The following LGALS3BP variants were observed in gnomAD, a reference collection of about 807,000 sequenced individuals.
The protein encoded by LGALS3BP is galectin 3 binding protein.
In LGALS3BP, 25 loss-of-function variants were observed where a neutral mutation model predicts 22.9. The observed-to-expected ratio is 1.09, with a 90% confidence interval of 0.80 to 1.53. The LOEUF is 1.53. Among genes scored for constraint, LGALS3BP ranks in the 40% most tolerant of loss-of-function variants. LGALS3BP has a pLI of 0.00. For synonymous variants in LGALS3BP, 335 were observed against 331.1 expected (o/e 1.01, Z -0.13); for missense variants, 718 against 752.0 (o/e 0.95, Z 0.53).
Position 78,972,164 on chromosome 17 carries a change from C to CA in LGALS3BP, c.1169dup (p.Leu390PhefsTer56), listed in dbSNP as rs1337187183. The CA allele has an allele frequency of 9.9e-6, 16 of 1,614,010 alleles. No individual in the cohort carries two copies. The highest frequency in any genetic ancestry group is 1.3e-5 in the African/African-American group (1 of 75,030). Reference sequence around the variant, plus strand: ...GGTTCAGGCCTTTGTACCGGGCCAGCAACTGGAAGGGCACAGTGTGGAATT... The same window carrying CA: ...GGTTCAGGCCTTTGTACCGGGCCAGCAAACTGGAAGGGCACAGTGTGGAATT... On this transcript the variant is annotated frameshift_variant, in exon 6 of 6. Coordinates refer to ENST00000262776, the MANE Select transcript of LGALS3BP (RefSeq NM_005567.4). LOFTEE classifies it low-confidence loss of function (END_TRUNC). The surrounding 1 kb of genome is among the most constrained non-coding windows in gnomAD (Gnocchi z 5.1).
In LGALS3BP at chr17:78,973,713, G is replaced by C. The variant is rs769714730; in HGVS notation, c.377-491C>G. Reference sequence around the variant, plus strand: ...CTGCAGAAGTCATGGGAGGCTCCCGGCTCGGGGGTCAGTGTGGTGCACCCT... The same window carrying C: ...CTGCAGAAGTCATGGGAGGCTCCCGCCTCGGGGGTCAGTGTGGTGCACCCT... On this transcript the variant is annotated intron_variant, in intron 4 of 5. Transcript: ENST00000262776. The surrounding 1 kb of genome is among the most constrained non-coding windows in gnomAD (Gnocchi z 5.8). Among the ~76,000 whole-genome samples the C allele has an allele frequency of 1.3e-5, 2 of 152,156 alleles. No individual in the cohort carries two copies. The highest frequency in any genetic ancestry group is 2.9e-5 in the Non-Finnish European group (2 of 68,016).
At chr17:78,974,371 T>A (rs1160509390) in intron 4 of LGALS3BP, among the ~76,000 whole-genome samples, 1 of 152,218 alleles carries the variant, frequency 6.6e-6, no homozygotes, top group East Asian at 1.9e-4. Flanking sequence ...GAGCGGACGC[T>A]GGCATTTCAG....
chr17:78,974,057 T>C (rs2070698190), intron 4 of LGALS3BP, among the ~76,000 whole-genome samples: 2 of 152,236 alleles, frequency 1.3e-5, no homozygotes, highest in Admixed American at 1.3e-4. Context: ...CTCCAGCCAC[T>C]TGTCCATCCC....
chr17:78,976,913 C>T lies in LGALS3BP; in HGVS notation c.52+227G>A, dbSNP rs3785528. The stretch of plus-strand genomic sequence containing the variant: ...CCCTCTGGACGGAATGGAGGATTCC[C>T]TAGTGTCCTCTCTATAACCTGCATC... On this transcript the variant is annotated intron_variant, in intron 2 of 5. Transcript: ENST00000262776. The surrounding 1 kb of genome is among the most constrained non-coding windows in gnomAD (Gnocchi z 4.6). 2.7e-3 allele frequency: 1,543 copies of T among 581,548 alleles called. 32 individuals are homozygous for T. In the East Asian group the frequency reaches 0.032, roughly 12 times the overall value. 36.0% of individuals were successfully genotyped at this position (581,548 alleles called of 1,614,324 possible).
chr17:78,975,177 G>T (rs566419452), intron 3 of LGALS3BP, among the ~76,000 whole-genome samples: 1 of 146,460 alleles, frequency 6.8e-6, no homozygotes, highest in African/African-American at 2.5e-5. Flanking sequence ...GCAACATCAG[G>T]TTCACATATT....
At chr17:78,974,346 G>A (rs142791860) in intron 4 of LGALS3BP, among the ~76,000 whole-genome samples, 2 of 152,252 alleles carry the variant, frequency 1.3e-5, no homozygotes, top group Non-Finnish European at 2.9e-5. Context: ...GTCGCGTGCT[G>A]TGAAGTGTAT....
Position 78,974,246 on chromosome 17 carries a change from C to T in LGALS3BP, c.376+442G>A, listed in dbSNP as rs2070699332. On this transcript the variant is annotated intron_variant, in intron 4 of 5. Coordinates refer to ENST00000262776, the MANE Select transcript of LGALS3BP (RefSeq NM_005567.4). ...CAGAGGCTCCAACCTGCAGAGCAGC[C>T]TGGGTTCCCTCCAAACTGGGCCAGG... Among the ~76,000 whole-genome samples the T allele has an allele frequency of 2.0e-5, 3 of 152,376 alleles. No individual in the cohort carries two copies. The South Asian group carries it at 6.2e-4, about 32-fold the overall frequency.
rs1026116065 is a variant in LGALS3BP at position 78,976,805 on chromosome 17, C to G, written c.52+335G>C. On this transcript the variant is annotated intron_variant, in intron 2 of 5. Coordinates refer to ENST00000262776, the MANE Select transcript of LGALS3BP (RefSeq NM_005567.4). This position sits in a 1 kb window ranked among gnomAD's most constrained non-coding sequence, Gnocchi z 4.6. ...AGAATGTGAGGAAAAGCAGCCAGGA[C>G]CCTCTGGAAGACTGACCTGCGTCCA... The G allele has an allele frequency of 3.1e-6, 1 of 327,172 alleles. No individual in the cohort carries two copies. The highest frequency in any genetic ancestry group is 2.2e-5 in the African/African-American group (1 of 45,440). 20.3% of individuals were successfully genotyped at this position (327,172 alleles called of 1,614,324 possible). A position where few individuals can be genotyped will look rare whatever the true frequency, so the allele number is the denominator to read the frequency against.
rs2070686541 is a variant in LGALS3BP, at chr17:78,972,886, G to A, written c.629+84C>T. 2 of 1,513,366 alleles carry A rather than the reference G, an allele frequency of 1.3e-6. No individual in the cohort carries two copies. The highest frequency in any genetic ancestry group is 1.4e-5 in the African/African-American group (1 of 72,434). 93.7% of individuals were successfully genotyped at this position (1,513,366 alleles called of 1,614,324 possible). ...TGTGCATGCATGAGTATGTGCAGGT[G>A]TGTGTGTGGGGGGCTGTGCTTTTGA... On this transcript the variant is annotated intron_variant, in intron 5 of 5. Transcript: ENST00000262776. The surrounding 1 kb of genome is among the most constrained non-coding windows in gnomAD (Gnocchi z 5.1).
At chr17:78,975,791 C>CAAAAAAAA (rs60470107) in intron 3 of LGALS3BP, among the ~76,000 whole-genome samples, 174 bp downstream of exon 3, 3 of 52,248 alleles carry the variant, frequency 5.7e-5, no homozygotes, top group South Asian at 1.1e-3. Context: ...GACTCCATCT[C>CAAAAAAAA]AAAAAAAAAA....
In LGALS3BP at chr17:78,971,474, G is replaced by A. The variant is rs1281901391; in HGVS notation, c.*102C>T. On this transcript the variant is annotated 3_prime_UTR_variant, in exon 6 of 6. Transcript: ENST00000262776. This position sits in a 1 kb window ranked among gnomAD's most constrained non-coding sequence, Gnocchi z 5.6. ...TGAGTAGGGCGACATCTGGTGGCCG[G>A]TTGTTGAAGGTCATTGCAGAGAGGA... is the stretch of plus-strand genomic sequence containing the variant. 33 of 1,087,804 alleles carry A rather than the reference G, an allele frequency of 3.0e-5. No homozygotes were observed. Among genetic ancestry groups the A allele is most frequent in the Admixed American group, 5.4e-5 (2 of 37,140 alleles). 67.4% of individuals were successfully genotyped at this position (1,087,804 alleles called of 1,614,324 possible).
In LGALS3BP at chr17:78,972,985, A is replaced by T. The variant is rs2070687719; in HGVS notation, c.614T>A (p.Val205Asp). 1 of 1,608,112 alleles carries T rather than the reference A, an allele frequency of 6.2e-7. No homozygotes were observed. Among genetic ancestry groups the T allele is most frequent in the East Asian group, 2.2e-5 (1 of 44,654 alleles). The change falls in exon 5 of 6, where the codon GTC (valine) becomes GAC (aspartate). Residue 205 changes from valine (V) to aspartate (D), a missense_variant. Transcript: ENST00000262776. This position sits in a 1 kb window ranked among gnomAD's most constrained non-coding sequence, Gnocchi z 5.1. ...GACGGCTCACCTGAGAAGGTCCCTG[A>T]CCATGGGCACACACTCAGCATCCAC... ...MSVDAECVPM[V>D]RDLLRYFYSR... is the part of the protein sequence containing the mutation.
At chr17:78,974,648 G>A in intron 4 of LGALS3BP, 40 bp downstream of exon 4, 1 of 1,597,698 alleles carries the variant, frequency 6.3e-7, no homozygotes, top group Non-Finnish European at 8.5e-7. Flanking sequence ...GGACCCCAGG[G>A]CACACTGGGG....
Position 78,972,570 on chromosome 17 carries a change from G to C in LGALS3BP, c.764C>G (p.Pro255Arg), listed in dbSNP as rs1031081226. Residue 255 changes from proline to arginine, a missense_variant, in exon 6 of 6, where the codon CCC (proline) becomes CGC (arginine). Coordinates refer to ENST00000262776, the MANE Select transcript of LGALS3BP (RefSeq NM_005567.4). This position sits in a 1 kb window ranked among gnomAD's most constrained non-coding sequence, Gnocchi z 5.1. Reference protein sequence around the residue: ...SLFAILLPQDPSFQMPLDLYA... With the variant: ...SLFAILLPQDRSFQMPLDLYA... ...CAGGTCCAGGGGCATCTGGAACGAG[G>C]GGTCCTGGGGGAGGAGGATGGCAAA... The C allele has an allele frequency of 1.2e-6, 2 of 1,601,292 alleles. No individual in the cohort carries two copies. Among genetic ancestry groups the C allele is most frequent in the South Asian group, 2.2e-5 (2 of 90,234 alleles).
Position 78,976,272 on chromosome 17 carries a change from A to G in LGALS3BP, c.53-116T>C. The G allele has an allele frequency of 1.1e-6, 1 of 933,188 alleles. No homozygotes were observed. The highest frequency in any genetic ancestry group is 1.6e-6 in the Non-Finnish European group (1 of 643,984). The allele number at this position is 933,188 out of a possible 1,614,324, so 57.8% of individuals were successfully genotyped here. A position where few individuals can be genotyped will look rare whatever the true frequency, so the allele number is the denominator to read the frequency against. ...TGCTGAGCTTGTATTTCAGGGCTTC[A>G]AGGTCCCCTGGCCTCTCCATGAGGG... On this transcript the variant is annotated intron_variant, in intron 2 of 5. Transcript: ENST00000262776. This position sits in a 1 kb window ranked among gnomAD's most constrained non-coding sequence, Gnocchi z 4.6.
In LGALS3BP at chr17:78,971,479, T is replaced by G. The variant is rs941924385; in HGVS notation, c.*97A>C. ...AGGGCGACATCTGGTGGCCGGTTGT[T>G]GAAGGTCATTGCAGAGAGGAAGGAA... On this transcript the variant is annotated 3_prime_UTR_variant, in exon 6 of 6. Transcript: ENST00000262776. This position sits in a 1 kb window ranked among gnomAD's most constrained non-coding sequence, Gnocchi z 5.6. The G allele has an allele frequency of 2.6e-6, 3 of 1,163,794 alleles. No individual in the cohort carries two copies. Among genetic ancestry groups the G allele is most frequent in the Admixed American group, 5.2e-5 (2 of 38,310 alleles). 72.1% of individuals were successfully genotyped at this position (1,163,794 alleles called of 1,614,324 possible).
In LGALS3BP at chr17:78,976,986, T is replaced by A. The variant is rs1339235572; in HGVS notation, c.52+154A>T. 1.3e-6 allele frequency: 1 copy of A among 756,570 alleles called. No homozygotes were observed. Among genetic ancestry groups the A allele is most frequent in the South Asian group, 1.6e-5 (1 of 64,330 alleles). The allele number at this position is 756,570 out of a possible 1,614,324, so 46.9% of individuals were successfully genotyped here. A position where few individuals can be genotyped will look rare whatever the true frequency, so the allele number is the denominator to read the frequency against. ...CCGGGAACCTCCAAGTCATCATCAC[T>A]GGGGATACCTGGTGCTTCAAGCAGG... On this transcript the variant is annotated intron_variant, in intron 2 of 5. Transcript: ENST00000262776. The surrounding 1 kb of genome is among the most constrained non-coding windows in gnomAD (Gnocchi z 4.6).
intron 1 of LGALS3BP, 145 bp from the exon 2 acceptor site, chr17:78,977,359 G>A (rs997213889): frequency 2.3e-5 from 15 of 650,230 alleles, no homozygotes; most frequent in Admixed American, 5.7e-5. Context: ...TATGATCCCA[G>A]TAAGTGTGAC....
intron 3 of LGALS3BP, among the ~76,000 whole-genome samples, chr17:78,975,608 T>C (rs1253314026): frequency 2.6e-5 from 4 of 151,816 alleles, no homozygotes; most frequent in Non-Finnish European, 5.9e-5. Flanking sequence ...CTGGCCAACA[T>C]GGTGAAACTC....
Sources: gnomAD v4.1 joint callset for allele counts (sites outside exome capture counted in the v4.1 genomes callset) on GRCh38, gnomAD v4.1.1 for gene constraint, Gnocchi (gnomAD v3.1) non-coding constraint, MANE v1.5 for transcripts, NCBI Gene and HGNC (gene_info 2026-07-23, HGNC 2026-07-21) for gene names.